Variants in JMJD1C observed in about 807,000 individuals in gnomAD.
The protein encoded by JMJD1C is jumonji domain containing 1C.
In JMJD1C, 31 loss-of-function variants were observed where a neutral mutation model predicts 245.3. The ratio of observed to expected loss-of-function variants is 0.13; its 90% CI spans 0.09 to 0.17. JMJD1C has a LOEUF of 0.17. Among genes scored for constraint, JMJD1C ranks in the 10% least tolerant of loss-of-function variants. JMJD1C has a pLI of 1.00. For synonymous variants in JMJD1C, 1,057 were observed against 1,017.4 expected (o/e 1.04, Z -0.74); for missense variants, 2,691 against 3,000.2 (o/e 0.90, Z 2.41).
At chr10:63,470,536 C>T (rs1953457303), upstream of JMJD1C, among the ~76,000 whole-genome samples, 1 of 152,156 alleles carries the variant, frequency 6.6e-6, no homozygotes, top group South Asian at 2.1e-4. Context: ...AGTTACAATT[C>T]TCAAGAAAAA....
intron 1 of JMJD1C, among the ~76,000 whole-genome samples, chr10:63,520,562 C>A (rs753407919): frequency 2.7e-5 from 4 of 145,672 alleles, no homozygotes; most frequent in Non-Finnish European, 6.0e-5. Flanking sequence ...TTTGCAAGAA[C>A]AGCAAGGTGT....
chr10:63,344,250 C>A (rs1235737250), intron 2 of JMJD1C, among the ~76,000 whole-genome samples: 1 of 152,058 alleles, frequency 6.6e-6, no homozygotes, highest in African/African-American at 2.4e-5. Context: ...TTTTTTTGTA[C>A]CTTTTCTATG....
intron 2 of JMJD1C, among the ~76,000 whole-genome samples, chr10:63,378,033 A>G (rs112949426): frequency 6.6e-6 from 1 of 150,770 alleles, no homozygotes; most frequent in African/African-American, 2.4e-5. Flanking sequence ...TAGGACTAAA[A>G]AGATAATCCT....
chr10:63,415,975 A>G (rs1252133877), intron 1 of JMJD1C, among the ~76,000 whole-genome samples: 2 of 152,140 alleles, frequency 1.3e-5, no homozygotes, highest in Admixed American at 6.6e-5. Context: ...CCACAACTAC[A>G]CAGCTGAACC....
chr10:63,336,687 T>C (rs978801500), intron 2 of JMJD1C, among the ~76,000 whole-genome samples: 6 of 152,186 alleles, frequency 3.9e-5, no homozygotes, highest in African/African-American at 1.2e-4. Context: ...ATCAAGGTGT[T>C]ATGGCTGCTT....
chr10:63,362,875 C>T (rs902686398), intron 2 of JMJD1C, among the ~76,000 whole-genome samples: 17 of 152,092 alleles, frequency 1.1e-4, no homozygotes, highest in Admixed American at 1.0e-3. Context: ...GCATGAGGCA[C>T]TAAAAAGCTA....
At chr10:63,487,310 A>G (rs1029703992) in intron 1 of JMJD1C, among the ~76,000 whole-genome samples, 3 of 152,230 alleles carry the variant, frequency 2.0e-5, no homozygotes, top group Admixed American at 6.5e-5. Flanking sequence ...TGAAGGGGCA[A>G]GTAAAGCATA....
At chr10:63,172,252 C>T (rs1842438712) in intron 24 of JMJD1C, among the ~76,000 whole-genome samples, 1 of 152,122 alleles carries the variant, frequency 6.6e-6, no homozygotes, top group Non-Finnish European at 1.5e-5. Context: ...TGTGAATTTT[C>T]TAACTATCTC....
intron 1 of JMJD1C, among the ~76,000 whole-genome samples, chr10:63,384,912 C>G (rs1947471369): frequency 6.6e-6 from 1 of 152,164 alleles, no homozygotes; most frequent in African/African-American, 2.4e-5. Context: ...CTGTGTGGTG[C>G]TACAGGCCTA....
At position 63,214,612 on chromosome 10, in the gene JMJD1C, C is replaced by G. The variant is rs1474837691; in HGVS notation, c.1555G>C (p.Glu519Gln). ...CTTGAGTTTTCCTGAGCCACCTTTT[C>G]TAAATTAGTGTCATTTGTAATATCA... ...VIDITNDTNL[E>Q]KVAQENSSTF... The change falls in exon 8 of 26, where the codon GAA becomes CAA. Residue 519 changes from glutamate (E) to glutamine (Q), a missense_variant. Physicochemically the swap from Glu to Gln is conservative, Grantham distance 29. Transcript: ENST00000399262. 1 of 1,614,124 alleles carries G rather than the reference C, an allele frequency of 6.2e-7. No individual in the cohort carries two copies. The highest frequency in any genetic ancestry group is 1.7e-5 in the Admixed American group (1 of 60,032).
At position 63,215,418 on chromosome 10, in the gene JMJD1C, G is replaced by C. The variant is rs1847864718; in HGVS notation, c.860C>G (p.Pro287Arg). ...YTRAQANSPRPAMNSQAAVPK... is the reference protein window; with the variant it reads ...YTRAQANSPRRAMNSQAAVPK... Reference sequence around the variant, plus strand: ...TACAGCAGCTTGGGAGTTCATTGCTGGTCTGGGACTATTTGCTTGGGCACG... The same window carrying C: ...TACAGCAGCTTGGGAGTTCATTGCTCGTCTGGGACTATTTGCTTGGGCACG... The change falls in exon 7 of 26, where the codon CCA becomes CGA. Residue 287 changes from proline to arginine, a missense_variant. By Grantham distance (103) the Pro-to-Arg change is moderately radical (BLOSUM62 -2). Transcript: ENST00000399262. The C allele has an allele frequency of 1.9e-6, 3 of 1,613,884 alleles. No individual in the cohort carries two copies. Among genetic ancestry groups the C allele is most frequent in the South Asian group, 1.1e-5 (1 of 91,078 alleles).
At chr10:63,512,791 T>C (rs1400591838) in intron 1 of JMJD1C, among the ~76,000 whole-genome samples, 4 of 152,198 alleles carry the variant, frequency 2.6e-5, no homozygotes, top group Admixed American at 2.6e-4. Flanking sequence ...TTCCTTTCTT[T>C]TTTTCTGCTG....
At chr10:63,241,738 T>C (rs1222280859) in intron 3 of JMJD1C, among the ~76,000 whole-genome samples, 1 of 152,220 alleles carries the variant, frequency 6.6e-6, no homozygotes, top group African/African-American at 2.4e-5. Context: ...TCTTCTAATA[T>C]GCTAAACAGT....
At chr10:63,238,006 TAAAAAAAAAAAAAA>T (rs35736445) in intron 3 of JMJD1C, among the ~76,000 whole-genome samples, 3 of 27,616 alleles carry the variant, frequency 1.1e-4, no homozygotes, top group African/African-American at 3.2e-4. Context: ...CCGTCTCTAC[TAAAAAAAAAAAAAA>T]AAAAAAAAAA....
At chr10:63,348,993 T>G (rs1198052441) in intron 2 of JMJD1C, among the ~76,000 whole-genome samples, 3 of 143,908 alleles carry the variant, frequency 2.1e-5, no homozygotes, top group Non-Finnish European at 4.5e-5. Context: ...CCTAGCTACT[T>G]GGGAGGCAGA....
In JMJD1C at chr10:63,222,979, C is replaced by T. The variant is rs1240366500; in HGVS notation, c.448-2996G>A. 24 of 1,436,112 alleles carry T rather than the reference C, an allele frequency of 1.7e-5. 1 individual carries two copies. In the Admixed American group the frequency reaches 1.7e-4, roughly 10 times the overall value. 89.0% of individuals were successfully genotyped at this position (1,436,112 alleles called of 1,614,324 possible). A position where few individuals can be genotyped will look rare whatever the true frequency, so the allele number is the denominator to read the frequency against. On this transcript the variant is annotated intron_variant, in intron 3 of 25. Coordinates refer to ENST00000399262, the MANE Select transcript of JMJD1C (RefSeq NM_032776.3). ...TGGAGATAATGTCAGCAGTGAGAGA[C>T]GAGGATCCACTGGAATCAGCCAATA...
chr10:63,242,779 G>GA (rs1203525966), intron 3 of JMJD1C, among the ~76,000 whole-genome samples: 1 of 151,880 alleles, frequency 6.6e-6, no homozygotes, highest in East Asian at 1.9e-4. Context: ...ACACAGAACA[G>GA]AAACTGAGAT....
intron 2 of JMJD1C, among the ~76,000 whole-genome samples, chr10:63,287,331 G>T (rs1858104671): frequency 6.6e-6 from 1 of 152,248 alleles, no homozygotes; most frequent in African/African-American, 2.4e-5. Context: ...AGACAACACT[G>T]TTCTGTGGTA....
chr10:63,402,332 C>T (rs772175459), intron 1 of JMJD1C, among the ~76,000 whole-genome samples: 1 of 152,076 alleles, frequency 6.6e-6, no homozygotes, highest in South Asian at 2.1e-4. Flanking sequence ...TGTAACATTT[C>T]GTTAAAATAA....
Sources: gnomAD v4.1 joint callset for allele counts (sites outside exome capture counted in the v4.1 genomes callset) on GRCh38, gnomAD v4.1.1 for gene constraint, MANE v1.5 for transcripts, NCBI Gene and HGNC (gene_info 2026-07-23, HGNC 2026-07-21) for gene names.